The following CDH12 variants were observed in gnomAD, a reference collection of about 807,000 sequenced individuals.
CDH12 encodes the protein cadherin 12, also known as cadherin-12.
Under a neutral mutation model 74.1 loss-of-function variants are expected in CDH12, and 41 were observed. The observed-to-expected ratio is 0.55, with a 90% CI of 0.43 to 0.72. CDH12 has a LOEUF of 0.72. Among genes scored for constraint, CDH12 ranks in the 30% least tolerant of loss-of-function variants. CDH12 has a pLI of 0.00. For synonymous variants in CDH12, 399 were observed against 355.0 expected (o/e 1.12, Z -1.39); for missense variants, 945 against 977.2 (o/e 0.97, Z 0.44).
At chr5:21,787,982 T>C (rs1286412267) in intron 10 of CDH12, among the ~76,000 whole-genome samples, 1 of 152,198 alleles carries the variant, frequency 6.6e-6, no homozygotes, top group East Asian at 1.9e-4. Flanking sequence ...AACTGTAGTA[T>C]TTCTGAAAGA....
intron 5 of CDH12, among the ~76,000 whole-genome samples, chr5:22,028,490 G>T (rs1314090432): frequency 1.3e-5 from 2 of 152,054 alleles, no homozygotes; most frequent in Non-Finnish European, 2.9e-5. Context: ...GAGCCAAATC[G>T]TGAGTGAACT....
intron 3 of CDH12, among the ~76,000 whole-genome samples, chr5:22,347,399 A>G (rs112773002): frequency 0.03 from 4,551 of 151,790 alleles, 108 homozygotes; most frequent in African/African-American, 0.068. Flanking sequence ...TCGGACTCCA[A>G]ATTCTTCAGC....
intron 3 of CDH12, among the ~76,000 whole-genome samples, chr5:22,349,207 T>C (rs540328277): frequency 3.1e-3 from 471 of 152,288 alleles, no homozygotes; most frequent in Non-Finnish European, 5.5e-3. Context: ...AGAAATACAT[T>C]TCTGTTGTTT....
intron 2 of CDH12, among the ~76,000 whole-genome samples, chr5:22,456,920 T>C (rs1280348223): frequency 6.6e-6 from 1 of 152,060 alleles, no homozygotes; most frequent in Non-Finnish European, 1.5e-5. Context: ...AGTTCCATTC[T>C]GGCTGAATCT....
intron 3 of CDH12, among the ~76,000 whole-genome samples, chr5:22,245,695 C>T (rs1436130733): frequency 6.6e-6 from 1 of 151,378 alleles, no homozygotes; most frequent in Admixed American, 6.6e-5. Context: ...GTAGTTCATA[C>T]ATATATATAT....
intron 3 of CDH12, among the ~76,000 whole-genome samples, chr5:22,247,205 G>A (rs1427558619): frequency 6.6e-6 from 1 of 152,172 alleles, no homozygotes; most frequent in Non-Finnish European, 1.5e-5. Context: ...GCTAGTGTCA[G>A]AAACATCACA....
intron 6 of CDH12, among the ~76,000 whole-genome samples, chr5:21,901,004 C>T (rs1233208019): frequency 2.0e-5 from 3 of 152,130 alleles, no homozygotes; most frequent in African/African-American, 7.2e-5. Flanking sequence ...AGAACAGTTG[C>T]TCAGTAAATA....
At position 22,226,341 on chromosome 5, in the gene CDH12, T is replaced by A. The variant is rs182149610; in HGVS notation, c.-332-13698A>T. Among the ~76,000 whole-genome samples the A allele has an allele frequency of 3.3e-5, 5 of 152,134 alleles. No homozygotes were observed. The East Asian group carries it at 7.7e-4, about 24-fold the overall frequency. ...TCCTGGTAGTCCTAATTTAATTTAA[T>A]GCACCCTATAAAAACAGTGTTTTCT... On this transcript the variant is annotated intron_variant, in intron 3 of 14. Transcript: ENST00000382254.
At chr5:22,111,442 C>A (rs957916910) in intron 4 of CDH12, among the ~76,000 whole-genome samples, 1 of 152,102 alleles carries the variant, frequency 6.6e-6, no homozygotes, top group Admixed American at 6.6e-5. Flanking sequence ...AATCTAGGAA[C>A]GTTCTCTGTT....
At position 21,802,420 on chromosome 5, in the gene CDH12, G is replaced by C. The variant is rs576556751; in HGVS notation, c.1003C>G (p.Pro335Ala). The C allele has an allele frequency of 6.1e-5, 98 of 1,611,356 alleles. 2 individuals are homozygous for C. In the South Asian group the frequency reaches 8.3e-4, roughly 14 times the overall value. ...TQEGVIKLKK[P>A]LDFETKKAYT... ...GCCTTCTTTGTTTCAAAATCTAAAG[G>C]CTGTAGTGAGGACAAATTAAGAATA... The change falls in exon 10 of 15, where the codon CCT becomes GCT. Residue 335 changes from proline (P) to alanine (A), a missense_variant and splice_region_variant. Pro to Ala is a conservative substitution (Grantham distance 27). Coordinates refer to ENST00000382254, the MANE Select transcript of CDH12 (RefSeq NM_004061.5).
intron 4 of CDH12, among the ~76,000 whole-genome samples, chr5:22,105,258 A>G (rs978742255): frequency 1.0e-4 from 15 of 150,656 alleles, no homozygotes; most frequent in African/African-American, 3.6e-4. Context: ...CACCCAGCTA[A>G]TTTTTTTTAT....
At chr5:22,259,663 T>C (rs1445088553) in intron 3 of CDH12, among the ~76,000 whole-genome samples, 1 of 152,066 alleles carries the variant, frequency 6.6e-6, no homozygotes, top group African/African-American at 2.4e-5. Context: ...ATAAAATATT[T>C]GCTTTGTTAT....
At chr5:22,126,021 A>G (rs1470572845) in intron 4 of CDH12, among the ~76,000 whole-genome samples, 1 of 150,144 alleles carries the variant, frequency 6.7e-6, no homozygotes, top group Non-Finnish European at 1.5e-5. Flanking sequence ...CAAATTCTAC[A>G]AACTGCTTTA....
intron 9 of CDH12, among the ~76,000 whole-genome samples, chr5:21,803,883 T>C (rs192905694): frequency 3.2e-4 from 48 of 152,232 alleles, no homozygotes; most frequent in Admixed American, 1.9e-3. Flanking sequence ...GCATTTCCTC[T>C]GAGGAACAAA....
rs531156909 is a variant in CDH12 at position 22,245,467 on chromosome 5, T to C, written c.-332-32824A>G. ...AATTATAACATTTAAAAATATAATC[T>C]TGGTATTGATTTGATAGTAAGCGAT... is the stretch of plus-strand genomic sequence containing the variant. On this transcript the variant is annotated intron_variant, in intron 3 of 14. Transcript: ENST00000382254. Among the ~76,000 whole-genome samples, 11 of 152,178 alleles carry C rather than the reference T, an allele frequency of 7.2e-5. No homozygotes were observed. In the South Asian group the frequency reaches 2.3e-3, roughly 32 times the overall value.
At chr5:22,667,476 TA>T (rs1740685209) in intron 1 of CDH12, among the ~76,000 whole-genome samples, 1 of 152,154 alleles carries the variant, frequency 6.6e-6, no homozygotes, top group African/African-American at 2.4e-5. Context: ...ATTTACACCA[TA>T]AATAGTATGG....
intron 1 of CDH12, among the ~76,000 whole-genome samples, chr5:22,848,788 T>C (rs1301151406): frequency 6.6e-6 from 1 of 152,242 alleles, no homozygotes; most frequent in Non-Finnish European, 1.5e-5. Context: ...CTCCTTGCTG[T>C]CACTGAGAAT....
chr5:22,526,804 C>A lies in CDH12; in HGVS notation c.-522-21440G>T, dbSNP rs190934366. ...AGCTTACAATTTTCCTAGGTAGAAG[C>A]AGTTCTGGTGGCTTCCAATTGGCCT... is the stretch of plus-strand genomic sequence containing the variant. On this transcript the variant is annotated intron_variant, in intron 1 of 14. Coordinates refer to ENST00000382254, the MANE Select transcript of CDH12 (RefSeq NM_004061.5). Among the ~76,000 whole-genome samples the A allele has an allele frequency of 4.9e-3, 750 of 152,274 alleles. 10 individuals carry two copies. The highest frequency in any genetic ancestry group is 0.017 in the African/African-American group (714 of 41,558).
chr5:22,190,593 G>A (rs1750220537), intron 4 of CDH12, among the ~76,000 whole-genome samples: 1 of 152,124 alleles, frequency 6.6e-6, no homozygotes, highest in Non-Finnish European at 1.5e-5. Flanking sequence ...AGCCACAGAT[G>A]TTAGAATTTC....
Sources: allele counts gnomAD v4.1 joint callset (sites outside exome capture counted in the v4.1 genomes callset), GRCh38; gene constraint gnomAD v4.1.1; transcripts MANE v1.5; gene names NCBI Gene and HGNC (gene_info 2026-07-23, HGNC 2026-07-21).